The following FRMD4A variants were observed in gnomAD, a reference collection of about 807,000 sequenced individuals.
FRMD4A encodes FERM domain-containing protein 4A.
In FRMD4A, 29 loss-of-function variants were observed where a neutral mutation model predicts 129.1. The observed-to-expected ratio is 0.22, with a 90% CI of 0.17 to 0.31. FRMD4A has a LOEUF of 0.31. FRMD4A is among the 10% of genes least tolerant of loss of function. FRMD4A has a pLI of 1.00. For missense variants in FRMD4A, 1,272 were observed against 1,375.8 expected (o/e 0.92, Z 1.19); for synonymous variants, 634 against 571.6 (o/e 1.11, Z -1.56).
Position 14,184,125 on chromosome 10 carries a change from C to CTTTTTTTTTTTTTTTTTTTTTT in FRMD4A, c.45+145911_45+145932dup, listed in dbSNP as rs58858936. On this transcript the variant is annotated intron_variant, in intron 2 of 24. Coordinates refer to ENST00000357447, the MANE Select transcript of FRMD4A (RefSeq NM_018027.5). ...TCCTTTTTTGTTTTTCTTTTCTTTTCTTTTTTTTTTTTTTTTTTTTTTTTG... is the reference window on the plus strand; with the variant it reads ...TCCTTTTTTGTTTTTCTTTTCTTTTCTTTTTTTTTTTTTTTTTTTTTTTTTTTTTTTTTTTTTTTTTTTTTTG... Among the ~76,000 whole-genome samples, 54 of 64,600 alleles carry CTTTTTTTTTTTTTTTTTTTTTT rather than the reference C, an allele frequency of 8.4e-4. 1 individual carries two copies. Among genetic ancestry groups the CTTTTTTTTTTTTTTTTTTTTTT allele is most frequent in the Non-Finnish European group, 1.1e-3 (41 of 35,788 alleles). 42.4% of individuals were successfully genotyped at this position (64,600 alleles called of 152,430 possible).
intron 2 of FRMD4A, among the ~76,000 whole-genome samples, chr10:14,140,402 A>G (rs1839777409): frequency 6.6e-6 from 1 of 152,154 alleles, no homozygotes. Context: ...TACCTGCCAT[A>G]TGTCAGGAAA....
intron 19 of FRMD4A, among the ~76,000 whole-genome samples, chr10:13,663,101 A>C (rs1472257607): frequency 6.6e-6 from 1 of 152,030 alleles, no homozygotes; most frequent in Admixed American, 6.5e-5. Flanking sequence ...GAGGTGGAAG[A>C]ATCACTTGAG....
At chr10:14,168,042 T>A (rs1281683248) in intron 2 of FRMD4A, among the ~76,000 whole-genome samples, 3 of 152,180 alleles carry the variant, frequency 2.0e-5, no homozygotes, top group Non-Finnish European at 4.4e-5. Flanking sequence ...TCTTCACTTT[T>A]AAACACAATC....
chr10:13,827,492 C>T (rs1186257416), intron 3 of FRMD4A, among the ~76,000 whole-genome samples: 3 of 152,176 alleles, frequency 2.0e-5, no homozygotes, highest in Non-Finnish European at 2.9e-5. Context: ...AGGTTTTTAA[C>T]GCATGCTAAT....
At chr10:14,061,305 A>G (rs1313137715) in intron 2 of FRMD4A, among the ~76,000 whole-genome samples, 1 of 152,070 alleles carries the variant, frequency 6.6e-6, no homozygotes. Flanking sequence ...TACAAAAATT[A>G]TCCAGGTGTG....
intron 2 of FRMD4A, among the ~76,000 whole-genome samples, chr10:13,947,710 TCTC>T (rs375490437): frequency 2.2e-4 from 33 of 152,212 alleles, no homozygotes; most frequent in African/African-American, 7.5e-4. Context: ...AATCTGTGCT[TCTC>T]CTCCTGCATG....
At chr10:13,810,436 C>T (rs1280772734) in intron 4 of FRMD4A, among the ~76,000 whole-genome samples, 2 of 152,122 alleles carry the variant, frequency 1.3e-5, no homozygotes, top group Non-Finnish European at 2.9e-5. Flanking sequence ...ATCAAATTCA[C>T]TTCCTGTTAT....
chr10:13,767,325 G>A lies in FRMD4A; in HGVS notation c.385-4645C>T, dbSNP rs536012526. On this transcript the variant is annotated intron_variant, in intron 6 of 24. Coordinates refer to ENST00000357447, the MANE Select transcript of FRMD4A (RefSeq NM_018027.5). ...GCAACCTGGGCTCACAGCAACCTCCGCCTTCTGGGTTCCAGCAATTCTTGT... is the reference window on the plus strand; with the variant it reads ...GCAACCTGGGCTCACAGCAACCTCCACCTTCTGGGTTCCAGCAATTCTTGT... 2.4e-3 allele frequency among the ~76,000 whole-genome samples: 367 copies of A among 152,068 alleles called. 1 individual carries two copies. Among genetic ancestry groups the A allele is most frequent in the African/African-American group, 8.4e-3 (349 of 41,510 alleles).
intron 15 of FRMD4A, chr10:13,676,127 T>C (rs978495482): frequency 6.6e-6 from 1 of 151,834 alleles, no homozygotes. Context: ...ACCAAAGGAG[T>C]AATTTCTGGG....
intron 5 of FRMD4A, among the ~76,000 whole-genome samples, chr10:13,795,294 A>T (rs2093090201): frequency 6.6e-6 from 1 of 152,246 alleles, no homozygotes; most frequent in Non-Finnish European, 1.5e-5. Flanking sequence ...AGAATATGGC[A>T]TTGAAATCAT....
At chr10:13,670,576 C>T (rs553595180) in intron 16 of FRMD4A, 48 bp from the exon 17 acceptor site, 22 of 1,599,168 alleles carry the variant, frequency 1.4e-5, no homozygotes, top group South Asian at 1.2e-4. Context: ...CAGAGTGGGG[C>T]GTGTCTGCTT....
At chr10:13,852,528 T>C (rs1301854162) in intron 3 of FRMD4A, among the ~76,000 whole-genome samples, 1 of 152,214 alleles carries the variant, frequency 6.6e-6, no homozygotes, top group East Asian at 1.9e-4. Flanking sequence ...TGGACCAAGA[T>C]TTTAATTTTT....
chr10:13,907,694 A>T (rs1360789616), intron 2 of FRMD4A, among the ~76,000 whole-genome samples: 1 of 152,172 alleles, frequency 6.6e-6, no homozygotes, highest in Non-Finnish European at 1.5e-5. Flanking sequence ...ACAGCCTCTC[A>T]CTTTAGGTGA....
intron 2 of FRMD4A, among the ~76,000 whole-genome samples, chr10:14,082,473 T>C (rs1214198925): frequency 3.3e-5 from 5 of 152,156 alleles, no homozygotes; most frequent in South Asian, 4.1e-4. Flanking sequence ...GGGGTAGACA[T>C]TGAGGATCCT....
At chr10:14,195,360 GA>G (rs1472880713) in intron 2 of FRMD4A, among the ~76,000 whole-genome samples, 1 of 151,848 alleles carries the variant, frequency 6.6e-6, no homozygotes, top group African/African-American at 2.4e-5. Flanking sequence ...ACCTAGGAGG[GA>G]ATCACATCTG....
rs139932319 is a variant in FRMD4A at position 13,829,261 on chromosome 10, A to C, written c.112-18353T>G. ...TTCTTCCGGCAGGGCATGGTGGCTC[A>C]CACCTCTAATCCCAGCACTTTGGGG... On this transcript the variant is annotated intron_variant, in intron 3 of 24. Coordinates refer to ENST00000357447, the MANE Select transcript of FRMD4A (RefSeq NM_018027.5). Among the ~76,000 whole-genome samples, 565 of 152,342 alleles carry C rather than the reference A, an allele frequency of 3.7e-3. 1 individual carries two copies. The highest frequency in any genetic ancestry group is 0.013 in the African/African-American group (534 of 41,566).
At chr10:14,089,150 C>G (rs943627617) in intron 2 of FRMD4A, among the ~76,000 whole-genome samples, 1 of 152,168 alleles carries the variant, frequency 6.6e-6, no homozygotes, top group Non-Finnish European at 1.5e-5. Flanking sequence ...AGTTTCCCAG[C>G]GCTTGAAGTC....
intron 2 of FRMD4A, among the ~76,000 whole-genome samples, chr10:14,063,833 A>G (rs1322095058): frequency 6.6e-6 from 1 of 152,172 alleles, no homozygotes; most frequent in Non-Finnish European, 1.5e-5. Flanking sequence ...CAGTCAAAAC[A>G]TGCGAATTAA....
chr10:13,980,991 G>GATA (rs2095558590), intron 2 of FRMD4A, among the ~76,000 whole-genome samples: 1 of 152,170 alleles, frequency 6.6e-6, no homozygotes, highest in African/African-American at 2.4e-5. Context: ...CCTGTTTTAG[G>GATA]ATAATCTCAT....
Sources: allele counts gnomAD v4.1 joint callset (sites outside exome capture counted in the v4.1 genomes callset), GRCh38; gene constraint gnomAD v4.1.1; transcripts MANE v1.5; gene names NCBI Gene and HGNC (gene_info 2026-07-23, HGNC 2026-07-21).